WARS2: variants seen among roughly 807,000 people sequenced by gnomAD.
The protein encoded by WARS2 is tryptophanyl tRNA synthetase 2, mitochondrial, also known as tryptophan--tRNA ligase, mitochondrial.
A neutral mutation model predicts 36.5 loss-of-function variants in WARS2; 28 were observed. The observed-to-expected ratio is 0.77, with a 90% CI of 0.57 to 1.05. The LOEUF (loss-of-function observed/expected upper bound fraction) is 1.05, where lower values mean the gene tolerates loss of function less well. Among genes scored for constraint, WARS2 ranks in the 50% least tolerant of loss-of-function variants. The pLI, the probability that WARS2 is intolerant of heterozygous loss-of-function variation, is 0.00. For missense variants in WARS2, 435 were observed against 456.8 expected, an observed-to-expected ratio of 0.95 and a Z score of 0.44; for synonymous variants, 174 against 178.4, an observed-to-expected ratio of 0.98 and a Z score of 0.20.
chr1:119,131,113 T>A (rs1557760231), intron 1 of WARS2, among the ~76,000 whole-genome samples: 1 of 152,218 alleles, frequency 6.6e-6, no homozygotes, highest in Non-Finnish European at 1.5e-5. Context: ...TCCTATAAAA[T>A]TTCAAAATGG....
At chr1:119,128,101 G>A (rs956905322) in intron 1 of WARS2, among the ~76,000 whole-genome samples, 1 of 151,944 alleles carries the variant, frequency 6.6e-6, no homozygotes, top group Non-Finnish European at 1.5e-5. Context: ...TTGAGATGGA[G>A]TCTTGCTCTG....
At chr1:119,065,808 C>T (rs575565081) in intron 2 of WARS2, among the ~76,000 whole-genome samples, 1 of 152,194 alleles carries the variant, frequency 6.6e-6, no homozygotes, top group Non-Finnish European at 1.5e-5. Context: ...TGGTTATAAA[C>T]ATTTCAGCTT....
intron 1 of WARS2, among the ~76,000 whole-genome samples, chr1:119,119,393 C>T (rs145143846): frequency 0.09 from 13,737 of 152,058 alleles, 854 homozygotes; most frequent in Non-Finnish European, 0.13. Context: ...ATGCACCTAA[C>T]ACTGGAGCTC....
At chr1:119,082,047 T>C (rs1030626039) in intron 1 of WARS2, among the ~76,000 whole-genome samples, 2 of 151,992 alleles carry the variant, frequency 1.3e-5, no homozygotes, top group African/African-American at 4.8e-5. Context: ...ATTAATTCAG[T>C]ATAAGAGAAA....
At chr1:119,133,463 G>A (rs2101575520) in intron 1 of WARS2, among the ~76,000 whole-genome samples, 1 of 152,300 alleles carries the variant, frequency 6.6e-6, no homozygotes, top group Non-Finnish European at 1.5e-5. Context: ...GGCTAGCTGG[G>A]TTTACATTTT....
chr1:119,124,479 G>A (rs1289800494), intron 1 of WARS2, among the ~76,000 whole-genome samples: 1 of 151,968 alleles, frequency 6.6e-6, no homozygotes, highest in Non-Finnish European at 1.5e-5. Flanking sequence ...GACAGAGTGA[G>A]GCTCTGTCTC....
intron 1 of WARS2, among the ~76,000 whole-genome samples, chr1:119,134,954 A>G (rs1422504147): frequency 1.3e-5 from 2 of 152,252 alleles, no homozygotes; most frequent in Non-Finnish European, 2.9e-5. Flanking sequence ...ACTGAATCCA[A>G]AGCATTATCT....
chr1:119,106,683 G>C (rs1015092888), intron 1 of WARS2, among the ~76,000 whole-genome samples: 1 of 152,106 alleles, frequency 6.6e-6, no homozygotes, highest in African/African-American at 2.4e-5. Flanking sequence ...TCCATTGTCT[G>C]GATGTACCAC....
chr1:119,044,826 A>G (rs1246444127), intron 3 of WARS2, among the ~76,000 whole-genome samples: 1 of 152,186 alleles, frequency 6.6e-6, no homozygotes, highest in Non-Finnish European at 1.5e-5. Flanking sequence ...CTTGGGAGTT[A>G]GGTTTCAACA....
intron 2 of WARS2, among the ~76,000 whole-genome samples, chr1:119,068,951 C>T (rs150376262): frequency 4.1e-4 from 62 of 152,016 alleles, no homozygotes; most frequent in African/African-American, 1.4e-3. Flanking sequence ...GACTAGAGGC[C>T]AGTGGGAGAG....
At chr1:119,139,773 A>C (rs758965579) in intron 1 of WARS2, 3 of 152,354 alleles carry the variant, frequency 2.0e-5, no homozygotes, top group African/African-American at 7.2e-5. Flanking sequence ...AGTATGTCAA[A>C]GTGCTTGCCA....
intron 3 of WARS2, among the ~76,000 whole-genome samples, chr1:119,043,059 G>A (rs1291026282): frequency 2.0e-5 from 3 of 152,076 alleles, no homozygotes; most frequent in African/African-American, 7.2e-5. Context: ...AACTGGGGGG[G>A]GCAATAGATG....
chr1:119,140,496 G>T, intron 1 of WARS2, 59 bp downstream of exon 1: 1 of 1,502,438 alleles, frequency 6.7e-7, no homozygotes, highest in Non-Finnish European at 9.2e-7. Context: ...AGAGGGCAGT[G>T]GGATGAGAAG....
chr1:119,079,824 A>G (rs1235204335), intron 1 of WARS2, among the ~76,000 whole-genome samples: 1 of 152,228 alleles, frequency 6.6e-6, no homozygotes, highest in African/African-American at 2.4e-5. Flanking sequence ...GGCTCTGAGG[A>G]TATGAAAAAT....
intron 1 of WARS2, among the ~76,000 whole-genome samples, chr1:119,096,809 T>C (rs979735790): frequency 4.6e-5 from 7 of 152,178 alleles, no homozygotes; most frequent in African/African-American, 1.7e-4. Flanking sequence ...AATAGCGCTC[T>C]CATTTTTGAC....
At chr1:119,116,370 A>T in intron 1 of WARS2, among the ~76,000 whole-genome samples, 1 of 152,232 alleles carries the variant, frequency 6.6e-6, no homozygotes, top group East Asian at 1.9e-4. Flanking sequence ...AAAGAATGGC[A>T]GGTAAGAGAC....
chr1:119,047,535 G>C (rs1292440033), intron 2 of WARS2: 5 of 152,134 alleles, frequency 3.3e-5, no homozygotes, highest in Non-Finnish European at 7.4e-5. Context: ...CCAAAATGGT[G>C]AGCATAAAAT....
chr1:119,054,983 C>T (rs953895089), intron 2 of WARS2, among the ~76,000 whole-genome samples: 1 of 151,980 alleles, frequency 6.6e-6, no homozygotes, highest in Admixed American at 6.6e-5. Context: ...GGTTGTTCAA[C>T]AATGTGAATA....
intron 1 of WARS2, among the ~76,000 whole-genome samples, chr1:119,136,017 C>T (rs1656481296): frequency 6.6e-6 from 1 of 152,140 alleles, no homozygotes. Flanking sequence ...AGAAATACAC[C>T]TGCTTCGGCC....
Sources: allele counts gnomAD v4.1 joint callset (sites outside exome capture counted in the v4.1 genomes callset), GRCh38; gene constraint gnomAD v4.1.1; transcripts MANE v1.5; gene names NCBI Gene and HGNC (gene_info 2026-07-23, HGNC 2026-07-21).